The following DRC11 variants were observed in gnomAD, a reference collection of about 807,000 sequenced individuals.
DRC11 encodes the protein IQ and AAA domain-containing protein 1.
At chr2:236,388,225 G>A in the DRC11 span, among the ~76,000 whole-genome samples, 1 of 151,748 alleles carries the variant, frequency 6.6e-6, no homozygotes, top group South Asian at 2.1e-4. Flanking sequence ...CTAGATTGGG[G>A]AAGTTCTCCT....
the DRC11 span, chr2:236,331,318 G>C: frequency 1.3e-5 from 17 of 1,352,398 alleles, no homozygotes; most frequent in Non-Finnish European, 1.7e-5. The surrounding 1 kb of genome is among the most constrained non-coding windows in gnomAD (Gnocchi z 4.8). Context: ...AGCGTGAGGA[G>C]TGTCTGCTGC....
the DRC11 span, among the ~76,000 whole-genome samples, chr2:236,410,435 AG>A: frequency 6.6e-6 from 1 of 152,012 alleles, no homozygotes; most frequent in South Asian, 2.1e-4. Context: ...GCTCATGGGT[AG>A]GAAGAATCAA....
chr2:236,416,721 T>TTATATATATATATATATA, the DRC11 span, among the ~76,000 whole-genome samples: 16 of 64,226 alleles, frequency 2.5e-4, no homozygotes, highest in Non-Finnish European at 3.5e-4. Context: ...ATATATATAT[T>TTATATATATATATATATA]TATATATATA....
chr2:236,507,276 ACTTTCCCTCTTTTC>A, the DRC11 span: 1 of 1,613,962 alleles, frequency 6.2e-7, no homozygotes, highest in South Asian at 1.1e-5. Flanking sequence ...ATTGCTGGCT[ACTTTCCCTCTTTTC>A]CTCGCCCTCC....
At chr2:236,359,148 G>A in the DRC11 span, among the ~76,000 whole-genome samples, 74 of 152,100 alleles carry the variant, frequency 4.9e-4, no homozygotes, top group Admixed American at 2.0e-3. The surrounding 1 kb of genome is among the most constrained non-coding windows in gnomAD (Gnocchi z 4.3). Context: ...TGGGTCGAGG[G>A]TCCTCTCTGC....
chr2:236,401,359 C>T, the DRC11 span, among the ~76,000 whole-genome samples: 1 of 152,198 alleles, frequency 6.6e-6, no homozygotes, highest in African/African-American at 2.4e-5. The surrounding 1 kb of genome is among the most constrained non-coding windows in gnomAD (Gnocchi z 4.6). Flanking sequence ...GAAATCCTCT[C>T]TGATGGCCTT....
the DRC11 span, among the ~76,000 whole-genome samples, chr2:236,491,192 A>ATATATATATATATATACACACAG: frequency 1.2e-4 from 6 of 49,670 alleles, no homozygotes; most frequent in East Asian, 6.7e-4. Flanking sequence ...CACACAGTAT[A>ATATATATATATATATACACACAG]TATATATATA....
At chr2:236,338,184 G>C in the DRC11 span, 1 of 1,608,824 alleles carries the variant, frequency 6.2e-7, no homozygotes. Flanking sequence ...TCATGCATGG[G>C]AAGGGGCTGG....
the DRC11 span, among the ~76,000 whole-genome samples, chr2:236,460,578 T>G: frequency 2.0e-5 from 3 of 152,194 alleles, no homozygotes; most frequent in African/African-American, 7.2e-5. This position sits in a 1 kb window ranked among gnomAD's most constrained non-coding sequence, Gnocchi z 4.0. Context: ...TTTGTCCTCA[T>G]ATTTTTTAAT....
At chr2:236,431,121 T>A in the DRC11 span, among the ~76,000 whole-genome samples, 1 of 152,238 alleles carries the variant, frequency 6.6e-6, no homozygotes, top group African/African-American at 2.4e-5. This position sits in a 1 kb window ranked among gnomAD's most constrained non-coding sequence, Gnocchi z 4.2. Flanking sequence ...TGTGTTCCAC[T>A]ACCACAAATC....
At chr2:236,395,635 G>A in the DRC11 span, among the ~76,000 whole-genome samples, 275 of 152,276 alleles carry the variant, frequency 1.8e-3, 3 homozygotes, top group African/African-American at 3.5e-3. Flanking sequence ...GGAATAACAC[G>A]TAGTGATAAA....
chr2:236,486,248 T>C, the DRC11 span, among the ~76,000 whole-genome samples: 2 of 152,210 alleles, frequency 1.3e-5, no homozygotes, highest in South Asian at 4.1e-4. This position sits in a 1 kb window ranked among gnomAD's most constrained non-coding sequence, Gnocchi z 5.7. Context: ...CCTTCCGCAG[T>C]TGATCCTCAG....
chr2:236,414,972 G>A, the DRC11 span, among the ~76,000 whole-genome samples: 9 of 152,200 alleles, frequency 5.9e-5, no homozygotes, highest in Admixed American at 1.3e-4. Flanking sequence ...AAATTCAACC[G>A]AAACATTCAG....
chr2:236,412,808 C>A, the DRC11 span: 1 of 152,274 alleles, frequency 6.6e-6, no homozygotes, highest in Non-Finnish European at 1.5e-5. Context: ...ATAATTACTG[C>A]ATAGCTCTTG....
At chr2:236,456,516 G>A in the DRC11 span, among the ~76,000 whole-genome samples, 2 of 152,120 alleles carry the variant, frequency 1.3e-5, no homozygotes, top group African/African-American at 2.4e-5. The surrounding 1 kb of genome is among the most constrained non-coding windows in gnomAD (Gnocchi z 5.4). Context: ...ACCTGCTGAG[G>A]ACCCCGATAA....
chr2:236,501,362 T>C, the DRC11 span, among the ~76,000 whole-genome samples: 13 of 152,162 alleles, frequency 8.5e-5, no homozygotes, highest in Non-Finnish European at 7.4e-5. Context: ...AGAACACACA[T>C]TGACTCCTGG....
chr2:236,456,679 C>T, the DRC11 span, among the ~76,000 whole-genome samples: 1 of 152,196 alleles, frequency 6.6e-6, no homozygotes, highest in East Asian at 1.9e-4. This position sits in a 1 kb window ranked among gnomAD's most constrained non-coding sequence, Gnocchi z 5.4. Context: ...ACTAGCAATG[C>T]CCCTCGGCCA....
At chr2:236,323,087 A>C in the DRC11 span, among the ~76,000 whole-genome samples, 1 of 152,354 alleles carries the variant, frequency 6.6e-6, no homozygotes, top group East Asian at 1.9e-4. The surrounding 1 kb of genome is among the most constrained non-coding windows in gnomAD (Gnocchi z 6.4). Flanking sequence ...GTGAAATGGT[A>C]TTTTAAAAAA....
the DRC11 span, among the ~76,000 whole-genome samples, chr2:236,439,429 G>A: frequency 6.6e-6 from 1 of 152,098 alleles, no homozygotes; most frequent in Admixed American, 6.5e-5. Flanking sequence ...ATTTTAATTG[G>A]AATTGCATTA....
Sources: allele counts gnomAD v4.1 joint callset (sites outside exome capture counted in the v4.1 genomes callset), GRCh38; gene constraint gnomAD v4.1.1; non-coding constraint Gnocchi (gnomAD v3.1); transcripts MANE v1.5; gene names NCBI Gene and HGNC (gene_info 2026-07-23, HGNC 2026-07-21).